The following FPR3 variants were observed in gnomAD, a reference collection of about 807,000 sequenced individuals.
FPR3 encodes the protein formyl peptide receptor 3.
For missense variants in FPR3, 346 were observed against 443.2 expected (o/e 0.78, Z 1.97); for synonymous variants, 135 against 163.6 (o/e 0.83, Z 1.34).
intron 1 of FPR3, among the ~76,000 whole-genome samples, chr19:51,796,150 T>A (rs1216865315): frequency 6.6e-6 from 1 of 152,170 alleles, no homozygotes; most frequent in African/African-American, 2.4e-5. Flanking sequence ...GAAATAATAT[T>A]TGACCTGAAA....
intron 1 of FPR3, among the ~76,000 whole-genome samples, chr19:51,813,141 C>A (rs759984937): frequency 4.2e-4 from 63 of 151,670 alleles, no homozygotes; most frequent in Non-Finnish European, 7.1e-4. Flanking sequence ...CACACACACA[C>A]ACACACACAC....
At chr19:51,798,814 A>G (rs774411410) in intron 1 of FPR3, among the ~76,000 whole-genome samples, 10 of 152,282 alleles carry the variant, frequency 6.6e-5, no homozygotes, top group Non-Finnish European at 1.2e-4. Context: ...CCAGGGTGGG[A>G]AGATTCTCAG....
At chr19:51,822,648 C>T (rs79100666) in intron 1 of FPR3, among the ~76,000 whole-genome samples, 4,329 of 152,256 alleles carry the variant, frequency 0.028, 163 homozygotes, top group African/African-American at 0.087. Context: ...CAAACTACAA[C>T]CCATATGTAG....
intron 1 of FPR3, among the ~76,000 whole-genome samples, chr19:51,806,056 C>T (rs562433074): frequency 5.0e-4 from 76 of 152,288 alleles, no homozygotes; most frequent in Non-Finnish European, 8.5e-4. Flanking sequence ...TCCTTCTGAG[C>T]TGCCAAAAAG....
intron 1 of FPR3, among the ~76,000 whole-genome samples, chr19:51,822,518 T>C (rs2084197996): frequency 6.6e-6 from 1 of 152,182 alleles, no homozygotes; most frequent in Non-Finnish European, 1.5e-5. Context: ...TAAGCTAGAT[T>C]AAAGATCTTT....
At position 51,825,681 on chromosome 19, in the gene FPR3, T is replaced by C. The variant is rs962452354; in HGVS notation, c.*871T>C. ...CTAACTTCATTTAACCTTGGTCACA[T>C]TGAGTCATTCCAGGATGAGTGGCTC... is the stretch of plus-strand genomic sequence containing the variant. On this transcript the variant is annotated 3_prime_UTR_variant, in exon 2 of 2. Coordinates refer to ENST00000339223, the MANE Select transcript of FPR3 (RefSeq NM_002030.5). 2 of 167,238 alleles carry C rather than the reference T, an allele frequency of 1.2e-5. No individual in the cohort carries two copies. Among genetic ancestry groups the C allele is most frequent in the Middle Eastern group, 3.4e-3 (1 of 296 alleles). The allele number at this position is 167,238 out of a possible 1,614,324, so 10.4% of individuals were successfully genotyped here.
intron 1 of FPR3, among the ~76,000 whole-genome samples, chr19:51,805,405 T>C (rs1376872634): frequency 6.6e-6 from 1 of 152,218 alleles, no homozygotes; most frequent in East Asian, 1.9e-4. Context: ...AATTCTTGAG[T>C]GTGCCTATTT....
At chr19:51,807,644 G>A (rs749602907) in intron 1 of FPR3, among the ~76,000 whole-genome samples, 3 of 152,202 alleles carry the variant, frequency 2.0e-5, no homozygotes, top group Non-Finnish European at 4.4e-5. Context: ...AAATAAGTCT[G>A]TCCACCTGGA....
At chr19:51,813,067 C>T (rs967599847) in intron 1 of FPR3, among the ~76,000 whole-genome samples, 2 of 150,856 alleles carry the variant, frequency 1.3e-5, no homozygotes, top group African/African-American at 2.4e-5. Flanking sequence ...TGCAATGGGC[C>T]GAGATCACGC....
chr19:51,800,264 C>T (rs1381191873), intron 1 of FPR3, among the ~76,000 whole-genome samples: 1 of 152,160 alleles, frequency 6.6e-6, no homozygotes. Context: ...ATCGGGTCAC[C>T]CTGGAAAGAA....
intron 1 of FPR3, among the ~76,000 whole-genome samples, chr19:51,821,517 G>A (rs562713914): frequency 3.9e-5 from 6 of 152,214 alleles, no homozygotes; most frequent in African/African-American, 9.6e-5. Flanking sequence ...TAGTGCCAAC[G>A]TTGAGAAACC....
At chr19:51,796,107 T>C (rs143472941) in intron 1 of FPR3, among the ~76,000 whole-genome samples, 14 of 152,330 alleles carry the variant, frequency 9.2e-5, no homozygotes, top group African/African-American at 3.4e-4. Context: ...CTGAGCATTC[T>C]GCTTTGCAGA....
intron 1 of FPR3, among the ~76,000 whole-genome samples, 185 bp downstream of exon 1, chr19:51,795,516 T>C (rs1465470372): frequency 1.7e-5 from 2 of 118,692 alleles, no homozygotes; most frequent in African/African-American, 3.4e-5. Context: ...TTTTTTTTTT[T>C]TTTTTTTTTT....
Position 51,824,826 on chromosome 19 carries a change from T to G in FPR3, c.*16T>G. 2 of 1,589,046 alleles carry G rather than the reference T, an allele frequency of 1.3e-6. No homozygotes were observed. The highest frequency in any genetic ancestry group is 1.1e-5 in the South Asian group (1 of 88,226). On this transcript the variant is annotated 3_prime_UTR_variant, in exon 2 of 2. Transcript: ENST00000339223. The surrounding 1 kb of genome is among the most constrained non-coding windows in gnomAD (Gnocchi z 4.7). ...AGCAATGTGAGGTCGGGGATATTTT[T>G]GGGCTCTGTCTCTTTCTACCCTGCG...
rs1485119388 is a variant in FPR3 at position 51,824,736 on chromosome 19, G to A, written c.988G>A (p.Asp330Asn). 6.2e-7 allele frequency: 1 copy of A among 1,614,000 alleles called. No homozygotes were observed. Among genetic ancestry groups the A allele is most frequent in the African/African-American group, 1.3e-5 (1 of 74,992 alleles). The change falls in exon 2 of 2, where the codon GAC becomes AAC. Residue 330 changes from aspartate to asparagine, a missense_variant. Asp to Asn is a conservative substitution (Grantham distance 23). Transcript: ENST00000339223. The surrounding 1 kb of genome is among the most constrained non-coding windows in gnomAD (Gnocchi z 4.7). The part of the protein sequence containing the change: ...SLERALTEVP[D>N]SAQTSNTDTT... The stretch of plus-strand genomic sequence containing the variant: ...GGAGAGGGCCCTGACTGAGGTCCCT[G>A]ACTCAGCCCAGACCAGCAACACAGA...
intron 1 of FPR3, among the ~76,000 whole-genome samples, chr19:51,813,409 ATATTTTTATTTT>A (rs372244495): frequency 6.6e-6 from 1 of 151,754 alleles, no homozygotes; most frequent in Admixed American, 6.6e-5. Flanking sequence ...AACCTCATTT[ATATTTTTATTTT>A]TATTTTTATT....
intron 1 of FPR3, among the ~76,000 whole-genome samples, chr19:51,817,103 T>C (rs1012610052): frequency 6.6e-6 from 1 of 152,122 alleles, no homozygotes; most frequent in South Asian, 2.1e-4. Flanking sequence ...TTCAGACACA[T>C]AGGTTTCTAA....
At chr19:51,821,789 AC>A (rs550886474) in intron 1 of FPR3, among the ~76,000 whole-genome samples, 123 of 151,888 alleles carry the variant, frequency 8.1e-4, no homozygotes, top group African/African-American at 2.8e-3. Context: ...AAAAAAAAAA[AC>A]CTACAAAAAC....
At chr19:51,817,615 A>G (rs1290289974) in intron 1 of FPR3, 2 of 151,720 alleles carry the variant, frequency 1.3e-5, no homozygotes, top group Non-Finnish European at 2.9e-5. Flanking sequence ...TGCTTTCTTT[A>G]GCCCTCCTCT....
Sources: allele counts gnomAD v4.1 joint callset (sites outside exome capture counted in the v4.1 genomes callset), GRCh38; gene constraint gnomAD v4.1.1; non-coding constraint Gnocchi (gnomAD v3.1); transcripts MANE v1.5; gene names NCBI Gene and HGNC (gene_info 2026-07-23, HGNC 2026-07-21).